The following OPRM1 variants were observed in gnomAD, a reference collection of about 807,000 sequenced individuals.
The protein encoded by OPRM1 is opioid receptor mu 1.
A neutral mutation model predicts 31.8 loss-of-function variants in OPRM1; 27 were observed. The observed-to-expected ratio is 0.85, with a 90% confidence interval of 0.63 to 1.17. OPRM1 has a LOEUF of 1.17. OPRM1 is among the 50% of genes most tolerant of loss of function. The pLI is 0.00. For missense variants in OPRM1, 536 were observed against 511.1 expected, an observed-to-expected ratio of 1.05 and a Z score of -0.47; for synonymous variants, 196 against 189.9, an observed-to-expected ratio of 1.03 and a Z score of -0.26.
At chr6:154,194,777 T>A (rs978369440) in intron 3 of OPRM1, among the ~76,000 whole-genome samples, 4 of 150,232 alleles carry the variant, frequency 2.7e-5, no homozygotes, top group Admixed American at 6.6e-5. Flanking sequence ...CATAACTTCA[T>A]GACAACTCAT....
chr6:154,201,861 C>T (rs1248638510), intron 3 of OPRM1, among the ~76,000 whole-genome samples: 1 of 152,152 alleles, frequency 6.6e-6, no homozygotes, highest in Non-Finnish European at 1.5e-5. Context: ...CATGATTGTA[C>T]TCCAGCCTGG....
At chr6:154,136,158 G>C (rs769426013), downstream of OPRM1, among the ~76,000 whole-genome samples, 1 of 152,068 alleles carries the variant, frequency 6.6e-6, no homozygotes, top group Non-Finnish European at 1.5e-5. Context: ...TTGGGTCCTG[G>C]CCATCATAAA....
At chr6:154,178,404 A>T (rs1172514848) in intron 3 of OPRM1, among the ~76,000 whole-genome samples, 1 of 152,206 alleles carries the variant, frequency 6.6e-6, no homozygotes. Flanking sequence ...TCCCTACATG[A>T]AAAATAAATG....
intron 3 of OPRM1, 51 bp downstream of exon 3, chr6:154,091,523 A>G (rs1158992162): frequency 3.2e-6 from 5 of 1,549,800 alleles, no homozygotes; most frequent in East Asian, 4.5e-5. Context: ...CATAAAAATT[A>G]TAAGGCTTTG....
chr6:154,205,560 A>G (rs1777424474), intron 3 of OPRM1, among the ~76,000 whole-genome samples: 1 of 152,200 alleles, frequency 6.6e-6, no homozygotes, highest in African/African-American at 2.4e-5. Context: ...ACACCACTGC[A>G]CTCTAGCCTG....
chr6:154,214,162 T>C (rs1208561315), intron 3 of OPRM1: 19 of 1,136,022 alleles, frequency 1.7e-5, no homozygotes, highest in Admixed American at 3.4e-5. Flanking sequence ...TTTCACCCTG[T>C]TTCAACCTGT....
At chr6:154,043,684 A>G (rs1212737052) in intron 1 of OPRM1, among the ~76,000 whole-genome samples, 1 of 152,086 alleles carries the variant, frequency 6.6e-6, no homozygotes, top group African/African-American at 2.4e-5. Context: ...TCACTTTTCT[A>G]AAACCCACAA....
intron 3 of OPRM1, among the ~76,000 whole-genome samples, chr6:154,244,485 C>T (rs1780875160): frequency 6.6e-6 from 1 of 152,196 alleles, no homozygotes; most frequent in East Asian, 1.9e-4. Flanking sequence ...TATTCAAGTA[C>T]ATGCTTTGCA....
At chr6:154,040,445 C>G (rs1779828796) in intron 1 of OPRM1, among the ~76,000 whole-genome samples, 1 of 152,154 alleles carries the variant, frequency 6.6e-6, no homozygotes, top group African/African-American at 2.4e-5. Flanking sequence ...TGAGGCAACA[C>G]TAGGTAGAGG....
chr6:154,163,379 T>C (rs1046332473), intron 3 of OPRM1, among the ~76,000 whole-genome samples: 2 of 152,224 alleles, frequency 1.3e-5, no homozygotes, highest in African/African-American at 4.8e-5. Flanking sequence ...CCTTTCCTTT[T>C]TCAGATTTTA....
intron 3 of OPRM1, among the ~76,000 whole-genome samples, chr6:154,139,462 A>G (rs1398479364): frequency 5.3e-5 from 8 of 152,212 alleles, no homozygotes; most frequent in Non-Finnish European, 4.4e-5. Context: ...CCTGGAGCAC[A>G]TTATAAACCA....
intron 3 of OPRM1, among the ~76,000 whole-genome samples, chr6:154,118,047 C>A (rs1322757796): frequency 6.6e-6 from 1 of 152,108 alleles, no homozygotes. Context: ...ATGATAGCAA[C>A]AATTATTTGT....
At chr6:154,090,422 A>C (rs138361940) in intron 2 of OPRM1, among the ~76,000 whole-genome samples, 2 of 152,230 alleles carry the variant, frequency 1.3e-5, no homozygotes, top group African/African-American at 4.8e-5. Context: ...TATTTACTTC[A>C]TAAAAATGGT....
At chr6:154,108,753 C>T in intron 3 of OPRM1, 1 of 985,128 alleles carries the variant, frequency 1.0e-6, no homozygotes, top group South Asian at 4.7e-5. Flanking sequence ...AGTAGGGCCT[C>T]TAACCCCGCT....
intron 3 of OPRM1, among the ~76,000 whole-genome samples, chr6:154,172,786 G>A (rs1227364671): frequency 1.3e-5 from 2 of 152,236 alleles, no homozygotes; most frequent in Non-Finnish European, 2.9e-5. Flanking sequence ...GTCCTTGCCT[G>A]ACAGCTCTGA....
At chr6:154,085,766 C>T (rs1398696443) in intron 1 of OPRM1, among the ~76,000 whole-genome samples, 1 of 152,104 alleles carries the variant, frequency 6.6e-6, no homozygotes, top group Non-Finnish European at 1.5e-5. Context: ...ATTTCTTTTG[C>T]TAGTTTGCTA....
At chr6:154,160,730 GT>G (rs1798940771) in intron 3 of OPRM1, among the ~76,000 whole-genome samples, 1 of 152,096 alleles carries the variant, frequency 6.6e-6, no homozygotes, top group Non-Finnish European at 1.5e-5. Flanking sequence ...TAAATAAGAT[GT>G]TCATCCTCCA....
At chr6:154,214,031 A>G (rs1778182356) in intron 3 of OPRM1, among the ~76,000 whole-genome samples, 1 of 152,194 alleles carries the variant, frequency 6.6e-6, no homozygotes, top group Admixed American at 6.5e-5. Flanking sequence ...CAGCATGGGA[A>G]GCTCTATTCC....
chr6:154,141,545 G>A (rs566272455), intron 3 of OPRM1, among the ~76,000 whole-genome samples: 2 of 152,360 alleles, frequency 1.3e-5, no homozygotes, highest in African/African-American at 4.8e-5. Flanking sequence ...ATGTGCAGCT[G>A]TGACACAGCC....
Sources: allele counts gnomAD v4.1 joint callset (sites outside exome capture counted in the v4.1 genomes callset), GRCh38; gene constraint gnomAD v4.1.1; transcripts MANE v1.5; gene names NCBI Gene and HGNC (gene_info 2026-07-23, HGNC 2026-07-21).